The following CLVS1 variants were observed in gnomAD, a reference collection of about 807,000 sequenced individuals.
The protein encoded by CLVS1 is clavesin 1, also known as clavesin-1.
A neutral mutation model predicts 33.1 loss-of-function variants in CLVS1; 10 were observed. That is an observed-to-expected ratio of 0.30 (90% CI 0.19 to 0.51). The LOEUF (loss-of-function observed/expected upper bound fraction) is 0.51, where lower values mean the gene tolerates loss of function less well. Among genes scored for constraint, CLVS1 ranks in the 20% least tolerant of loss-of-function variants. The pLI, the probability that CLVS1 is intolerant of heterozygous loss-of-function variation, is 0.97. For missense variants in CLVS1, 343 were observed against 433.4 expected (o/e 0.79, Z 1.85); for synonymous variants, 163 against 166.1 (o/e 0.98, Z 0.14).
intron 3 of CLVS1, among the ~76,000 whole-genome samples, chr8:61,410,095 T>TTTTTTTTTTTTTTTTC (rs1425165953): frequency 8.1e-6 from 1 of 123,844 alleles, no homozygotes; most frequent in Non-Finnish European, 1.8e-5. Flanking sequence ...TCTTTGTTTT[T>TTTTTTTTTTTTTTTTC]GCTAGGTAAA....
the CLVS1 span, among the ~76,000 whole-genome samples, chr8:61,047,016 C>T: frequency 2.6e-5 from 4 of 152,264 alleles, no homozygotes; most frequent in South Asian, 8.3e-4. Context: ...GCCAGAACTT[C>T]CAACACTATG....
the CLVS1 span, among the ~76,000 whole-genome samples, chr8:61,013,288 G>C: frequency 6.6e-6 from 1 of 152,208 alleles, no homozygotes; most frequent in Admixed American, 6.5e-5. Context: ...GGAGAGAGCA[G>C]GGGGCTCCTT....
chr8:61,315,122 A>G (rs927954719), intron 2 of CLVS1, among the ~76,000 whole-genome samples: 3 of 152,146 alleles, frequency 2.0e-5, no homozygotes, highest in African/African-American at 7.2e-5. Context: ...GGATTCATGT[A>G]CTATGTCCGT....
chr8:61,213,678 A>C (rs187221296), intron 2 of CLVS1, among the ~76,000 whole-genome samples: 1 of 152,076 alleles, frequency 6.6e-6, no homozygotes, highest in Non-Finnish European at 1.5e-5. Flanking sequence ...CTGTCAGCTG[A>C]GGAGGATGTA....
At chr8:61,189,584 G>T (rs897105676) in intron 2 of CLVS1, among the ~76,000 whole-genome samples, 1 of 152,152 alleles carries the variant, frequency 6.6e-6, no homozygotes, top group Non-Finnish European at 1.5e-5. Flanking sequence ...TAGCAAATTG[G>T]ATAAAGAGTC....
intron 2 of CLVS1, among the ~76,000 whole-genome samples, chr8:61,200,278 C>T (rs552071225): frequency 1.5e-4 from 22 of 150,320 alleles, no homozygotes; most frequent in African/African-American, 4.0e-4. Context: ...GCCACCATGC[C>T]GGCTAATTTT....
At chr8:61,069,449 T>C (rs576736264) in intron 1 of CLVS1, among the ~76,000 whole-genome samples, 1 of 152,276 alleles carries the variant, frequency 6.6e-6, no homozygotes, top group African/African-American at 2.4e-5. Context: ...CCTTCCTTCC[T>C]TTTGAAAGTA....
intron 2 of CLVS1, among the ~76,000 whole-genome samples, chr8:61,243,900 G>A (rs903312032): frequency 2.0e-5 from 3 of 151,984 alleles, no homozygotes; most frequent in Non-Finnish European, 4.4e-5. Context: ...TTTTTGAGAC[G>A]GATACTTTAC....
intron 2 of CLVS1, among the ~76,000 whole-genome samples, chr8:61,232,147 A>G (rs2978547): frequency 0.63 from 93,165 of 147,714 alleles, 30,879 homozygotes; most frequent in East Asian, 0.97. Context: ...CCATTCTCCT[A>G]CCTCAGCCTC....
At chr8:61,206,207 CT>C (rs1422776961) in intron 2 of CLVS1, among the ~76,000 whole-genome samples, 1 of 152,148 alleles carries the variant, frequency 6.6e-6, no homozygotes, top group Non-Finnish European at 1.5e-5. Context: ...TGTTGTCTTT[CT>C]TAAAACTGGT....
intron 2 of CLVS1, among the ~76,000 whole-genome samples, chr8:61,166,730 AAATGCAAATTTC>A (rs1419715559): frequency 6.6e-6 from 1 of 152,064 alleles, no homozygotes; most frequent in Non-Finnish European, 1.5e-5. Flanking sequence ...ACCCCCTTTA[AAATGCAAATTTC>A]AATGCAAAGA....
At chr8:61,216,935 A>G (rs1226534089) in intron 2 of CLVS1, among the ~76,000 whole-genome samples, 1 of 152,144 alleles carries the variant, frequency 6.6e-6, no homozygotes, top group Non-Finnish European at 1.5e-5. Context: ...GAAGGGTGAA[A>G]CAAATGCACA....
At chr8:60,998,601 C>T in the CLVS1 span, among the ~76,000 whole-genome samples, 3 of 152,156 alleles carry the variant, frequency 2.0e-5, no homozygotes, top group African/African-American at 4.8e-5. Context: ...TTACTTCCCC[C>T]ACCCCCTGCC....
chr8:61,418,145 T>C (rs2129604460), intron 3 of CLVS1, among the ~76,000 whole-genome samples: 1 of 152,314 alleles, frequency 6.6e-6, no homozygotes, highest in East Asian at 1.9e-4. Context: ...GTTCAGTTTC[T>C]TCAACCATAA....
At chr8:61,490,252 G>A (rs1442111231) in intron 5 of CLVS1, among the ~76,000 whole-genome samples, 1 of 151,260 alleles carries the variant, frequency 6.6e-6, no homozygotes, top group Non-Finnish European at 1.5e-5. Flanking sequence ...GAACCTGAGA[G>A]GCAGAGGTTG....
At chr8:61,213,771 C>A (rs1005124830) in intron 2 of CLVS1, among the ~76,000 whole-genome samples, 7 of 152,050 alleles carry the variant, frequency 4.6e-5, no homozygotes, top group Admixed American at 6.5e-5. Context: ...AATCTGGGCA[C>A]TTTGAAAAAA....
intron 2 of CLVS1, among the ~76,000 whole-genome samples, chr8:61,249,333 G>T (rs1485118080): frequency 6.6e-6 from 1 of 152,138 alleles, no homozygotes; most frequent in Non-Finnish European, 1.5e-5. Flanking sequence ...ATGGACATTT[G>T]GGTTGGTTCC....
chr8:61,094,974 T>C lies in CLVS1; in HGVS notation c.-242-36796T>C, dbSNP rs573126889. On this transcript the variant is annotated intron_variant, in intron 1 of 2. Transcript: ENST00000522621. ...ATGTTTTCAATGTAAACCCCATGAT[T>C]ATTCTTTGTTATGTATATTTAGCCA... is the stretch of plus-strand genomic sequence containing the variant. 1.8e-4 allele frequency among the ~76,000 whole-genome samples: 27 copies of C among 152,370 alleles called. No individual in the cohort carries two copies. In the South Asian group the frequency reaches 5.6e-3, roughly 32 times the overall value.
chr8:61,398,131 T>C (rs1814605336), intron 3 of CLVS1, among the ~76,000 whole-genome samples: 1 of 152,056 alleles, frequency 6.6e-6, no homozygotes, highest in African/African-American at 2.4e-5. Flanking sequence ...TTTATTTAGA[T>C]CTTTAATTTC....
Sources: allele counts gnomAD v4.1 joint callset (sites outside exome capture counted in the v4.1 genomes callset), GRCh38; gene constraint gnomAD v4.1.1; transcripts MANE v1.5; gene names NCBI Gene and HGNC (gene_info 2026-07-23, HGNC 2026-07-21).